The following SLA variants were observed in gnomAD, a reference collection of about 807,000 sequenced individuals.
SLA encodes the protein src-like-adapter.
In SLA, 16 loss-of-function variants were observed where a neutral mutation model predicts 30.3. That is an observed-to-expected ratio of 0.53 (90% CI 0.36 to 0.80). The LOEUF is 0.80. Among genes scored for constraint, SLA ranks in the 30% least tolerant of loss-of-function variants. The pLI, the probability that SLA is intolerant of heterozygous loss-of-function variation, is 0.01. For missense variants in SLA, 310 were observed against 345.2 expected (o/e 0.90, Z 0.81); for synonymous variants, 143 against 137.8 (o/e 1.04, Z -0.26).
rs150698771 is a variant in SLA at position 133,047,949 on chromosome 8, A to T, written c.249-16T>A. ...AAACAGCCAGCTGGGAAGGAGGAAG[A>T]CAGCCATTAGGATCCGGAACAAGCC... On this transcript the variant is annotated splice_polypyrimidine_tract_variant and intron_variant, in intron 5 of 8. Transcript: ENST00000338087. 1.3e-6 allele frequency: 2 copies of T among 1,532,528 alleles called. No individual in the cohort carries two copies. Among genetic ancestry groups the T allele is most frequent in the Admixed American group, 1.7e-5 (1 of 59,648 alleles). The allele number at this position is 1,532,528 out of a possible 1,614,324, so 94.9% of individuals were successfully genotyped here. A position where few individuals can be genotyped will look rare whatever the true frequency, so the allele number is the denominator to read the frequency against.
rs75206801 is a variant in SLA at position 133,084,263 on chromosome 8, C to T, written c.-318-9133G>A. On this transcript the variant is annotated intron_variant, in intron 1 of 8. Coordinates refer to ENST00000338087, the MANE Select transcript of SLA (RefSeq NM_001045556.3). ...CTCTGTCTAGGCAGTCCCCACTGCTCTAGCTCTTCTCCTGGGCCCTGAAAC... is the reference window on the plus strand; with the variant it reads ...CTCTGTCTAGGCAGTCCCCACTGCTTTAGCTCTTCTCCTGGGCCCTGAAAC... Among the ~76,000 whole-genome samples the T allele has an allele frequency of 1.6e-3, 246 of 152,272 alleles. 1 individual carries two copies. Among genetic ancestry groups the T allele is most frequent in the African/African-American group, 5.6e-3 (231 of 41,558 alleles).
intron 1 of SLA, among the ~76,000 whole-genome samples, chr8:133,097,784 A>G (rs1416383394): frequency 6.6e-6 from 1 of 152,252 alleles, no homozygotes; most frequent in Non-Finnish European, 1.5e-5. Flanking sequence ...ACACACATGC[A>G]TAATGTGTTA....
At chr8:133,080,884 T>C (rs1012913864) in intron 1 of SLA, among the ~76,000 whole-genome samples, 1 of 152,234 alleles carries the variant, frequency 6.6e-6, no homozygotes, top group African/African-American at 2.4e-5. Flanking sequence ...AAGATGTCCA[T>C]GCATCTTCCT....
intron 1 of SLA, among the ~76,000 whole-genome samples, chr8:133,091,889 C>G (rs1046578507): frequency 1.3e-5 from 2 of 151,508 alleles, no homozygotes; most frequent in African/African-American, 2.4e-5. Context: ...GAGTGTGTCT[C>G]TATCTATGAC....
chr8:133,095,323 G>A, intron 1 of SLA: 1 of 1,423,376 alleles, frequency 7.0e-7, no homozygotes, highest in South Asian at 1.2e-5. Flanking sequence ...TGAGGCTGAT[G>A]ACCAACTGGA....
intron 3 of SLA, among the ~76,000 whole-genome samples, chr8:133,052,573 A>T (rs1445920415): frequency 1.3e-5 from 2 of 152,152 alleles, no homozygotes; most frequent in Non-Finnish European, 2.9e-5. Context: ...CAAAAAAGGG[A>T]TTCTTCCCTG....
Position 133,068,466 on chromosome 8 carries a change from T to A in SLA, c.-41+6387A>T, listed in dbSNP as rs192480844. Among the ~76,000 whole-genome samples the A allele has an allele frequency of 2.0e-5, 3 of 152,366 alleles. No individual in the cohort carries two copies. In the East Asian group the frequency reaches 5.8e-4, roughly 29 times the overall value. On this transcript the variant is annotated intron_variant, in intron 2 of 8. Coordinates refer to ENST00000338087, the MANE Select transcript of SLA (RefSeq NM_001045556.3). ...GGAAAGAAGCCAGATTTGAGGCCTG[T>A]CAATGCTGGGGCAAGTTTTAATTCC...
intron 1 of SLA, among the ~76,000 whole-genome samples, chr8:133,082,941 G>A (rs4377944): frequency 0.29 from 44,608 of 152,004 alleles, 6,752 homozygotes; most frequent in African/African-American, 0.34. Flanking sequence ...AGTTATAACC[G>A]ACTAGATGGG....
At chr8:133,070,280 C>T (rs918099287) in intron 2 of SLA, among the ~76,000 whole-genome samples, 2 of 152,062 alleles carry the variant, frequency 1.3e-5, no homozygotes, top group Admixed American at 1.3e-4. Flanking sequence ...CAGCACAGGC[C>T]GCATCCAGAC....
chr8:133,089,572 A>G (rs1301025300), intron 1 of SLA, among the ~76,000 whole-genome samples: 1 of 152,176 alleles, frequency 6.6e-6, no homozygotes. Context: ...CTGGGATTTA[A>G]TGACCTCTGA....
chr8:133,075,446 C>T (rs1157131791), intron 1 of SLA, among the ~76,000 whole-genome samples: 1 of 152,016 alleles, frequency 6.6e-6, no homozygotes, highest in African/African-American at 2.4e-5. Flanking sequence ...CCAATGTGTG[C>T]GTCAAGGGAA....
At chr8:133,080,915 T>C (rs1845645242) in intron 1 of SLA, among the ~76,000 whole-genome samples, 1 of 152,204 alleles carries the variant, frequency 6.6e-6, no homozygotes, top group Non-Finnish European at 1.5e-5. Context: ...CAACCAACAA[T>C]GATTGCTCCC....
intron 1 of SLA, among the ~76,000 whole-genome samples, chr8:133,082,182 T>C (rs1173031248): frequency 6.6e-6 from 1 of 152,196 alleles, no homozygotes; most frequent in Non-Finnish European, 1.5e-5. Flanking sequence ...AAGGGAATTT[T>C]TTCAAGGGTG....
chr8:133,038,174 A>G lies in SLA; in HGVS notation c.*350T>C. On this transcript the variant is annotated 3_prime_UTR_variant, in exon 9 of 9. Transcript: ENST00000338087. ...GACCTTGGAGTGTAACTGTCTGGAC[A>G]GGTCCAGTTCCTTGGAGAGCAGTCC... The G allele has an allele frequency of 3.3e-6, 1 of 298,524 alleles. No individual in the cohort carries two copies. Among genetic ancestry groups the G allele is most frequent in the Non-Finnish European group, 6.4e-6 (1 of 156,304 alleles). The allele number at this position is 298,524 out of a possible 1,614,324, so 18.5% of individuals were successfully genotyped here. A position where few individuals can be genotyped will look rare whatever the true frequency, so the allele number is the denominator to read the frequency against.
chr8:133,068,812 C>T (rs144918021), intron 2 of SLA, among the ~76,000 whole-genome samples: 1 of 152,368 alleles, frequency 6.6e-6, no homozygotes, highest in East Asian at 1.9e-4. Context: ...TCTAGATAGA[C>T]TTTCTGTACA....
intron 2 of SLA, among the ~76,000 whole-genome samples, chr8:133,061,624 G>T (rs1842379172): frequency 6.6e-6 from 1 of 152,190 alleles, no homozygotes. Context: ...GCTTTGTGGG[G>T]TCAAAGAGAA....
intron 1 of SLA, among the ~76,000 whole-genome samples, chr8:133,080,481 A>T (rs988039126): frequency 6.6e-6 from 1 of 151,146 alleles, no homozygotes; most frequent in Non-Finnish European, 1.5e-5. Flanking sequence ...CCCACGTCCC[A>T]CCTCTCCCCG....
chr8:133,064,527 C>T (rs1355683027), intron 2 of SLA, among the ~76,000 whole-genome samples: 5 of 152,190 alleles, frequency 3.3e-5, no homozygotes, highest in East Asian at 3.9e-4. Context: ...CTCACATCTC[C>T]GGACTTCAGG....
intron 6 of SLA, 61 bp from the exon 7 acceptor site, chr8:133,045,176 T>G: frequency 6.3e-7 from 1 of 1,591,884 alleles, no homozygotes; most frequent in South Asian, 1.1e-5. Context: ...GGCACCCAGC[T>G]AACCAGCCCA....
Sources: gnomAD v4.1 joint callset for allele counts (sites outside exome capture counted in the v4.1 genomes callset) on GRCh38, gnomAD v4.1.1 for gene constraint, MANE v1.5 for transcripts, NCBI Gene and HGNC (gene_info 2026-07-23, HGNC 2026-07-21) for gene names.